The following SORBS2 variants were observed in gnomAD, a reference collection of about 807,000 sequenced individuals.
SORBS2 encodes the protein sorbin and SH3 domain-containing protein 2.
SORBS2 carries 46 observed loss-of-function variants against 97.7 expected under a neutral mutation model. That is an observed-to-expected ratio of 0.47 (90% CI 0.37 to 0.60). The LOEUF (loss-of-function observed/expected upper bound fraction) is 0.60. Among genes scored for constraint, SORBS2 ranks in the 20% least tolerant of loss-of-function variants. The pLI is 0.00. For missense variants in SORBS2, 1,316 were observed against 1,282.3 expected (o/e 1.03, Z -0.40); for synonymous variants, 476 against 473.4 (o/e 1.01, Z -0.07).
At chr4:185,924,112 G>A (rs1561305184) in intron 1 of SORBS2, among the ~76,000 whole-genome samples, 1 of 152,210 alleles carries the variant, frequency 6.6e-6, no homozygotes, top group Non-Finnish European at 1.5e-5. Context: ...AGTGAAATGA[G>A]TACATGAACA....
intron 1 of SORBS2, among the ~76,000 whole-genome samples, chr4:185,928,840 C>G (rs1416289227): frequency 6.6e-6 from 1 of 152,140 alleles, no homozygotes; most frequent in Non-Finnish European, 1.5e-5. Flanking sequence ...GCCACCGCGC[C>G]TGGCCAAGAA....
At chr4:185,622,848 G>A (rs1419684001) in intron 7 of SORBS2, 66 bp downstream of exon 19, 3 of 1,470,134 alleles carry the variant, frequency 2.0e-6, no homozygotes, top group Admixed American at 4.4e-5. Flanking sequence ...ATGTTGGAAT[G>A]GAAAATGAAA....
chr4:185,624,661 GAGA>G (rs377515142), intron 6 of SORBS2, among the ~76,000 whole-genome samples, 167 bp from the exon 19 acceptor site: 43 of 152,178 alleles, frequency 2.8e-4, no homozygotes, highest in African/African-American at 8.9e-4. Context: ...TTCAACTCTA[GAGA>G]AGAAGGTCTA....
chr4:185,650,189 C>G (rs1268726177), intron 2 of SORBS2, among the ~76,000 whole-genome samples: 1 of 152,004 alleles, frequency 6.6e-6, no homozygotes, highest in Non-Finnish European at 1.5e-5. Flanking sequence ...TAGAGTGCAC[C>G]TGGGAAAATC....
chr4:185,748,491 C>T (rs1456438531), intron 2 of SORBS2, among the ~76,000 whole-genome samples: 3 of 152,140 alleles, frequency 2.0e-5, no homozygotes, highest in Non-Finnish European at 2.9e-5. Flanking sequence ...TCTTGAAGGA[C>T]TGCCTAAGCC....
At chr4:185,729,516 A>T (rs2098596896) in intron 2 of SORBS2, among the ~76,000 whole-genome samples, 1 of 152,230 alleles carries the variant, frequency 6.6e-6, no homozygotes, top group African/African-American at 2.4e-5. Context: ...AGTGATGACC[A>T]CAGTTCTGTA....
At chr4:185,724,313 T>G (rs950201312) in intron 2 of SORBS2, among the ~76,000 whole-genome samples, 1 of 129,836 alleles carries the variant, frequency 7.7e-6, no homozygotes, top group Non-Finnish European at 1.6e-5. Flanking sequence ...ACTTGGGATA[T>G]TCCACTGCCC....
chr4:185,765,399 T>C (rs988355071), intron 2 of SORBS2, among the ~76,000 whole-genome samples: 2 of 152,172 alleles, frequency 1.3e-5, no homozygotes, highest in South Asian at 2.1e-4. Context: ...TTTTAGAATA[T>C]TGATTAGAAA....
Position 185,635,977 on chromosome 4 carries a change from GC to G in SORBS2, c.397-5380del, listed in dbSNP as rs529763216. Among the ~76,000 whole-genome samples the G allele has an allele frequency of 5.0e-3, 758 of 152,164 alleles. 4 individuals are homozygous for G. Among genetic ancestry groups the G allele is most frequent in the African/African-American group, 0.018 (733 of 41,508 alleles). On this transcript the variant is annotated intron_variant, in intron 4 of 14. Coordinates refer to ENST00000418609, the Ensembl canonical transcript of SORBS2. ...GGGTTCAAGTGATTCTCCCACCTCA[GC>G]CCCCTGAGTAGCTGGGATTACAGGC...
chr4:185,886,971 C>T (rs534436619), intron 1 of SORBS2, among the ~76,000 whole-genome samples: 25 of 152,188 alleles, frequency 1.6e-4, no homozygotes, highest in African/African-American at 5.8e-4. Flanking sequence ...CAGCGGGCAG[C>T]GATAGAATGG....
rs1314754713 is a variant in SORBS2, at chr4:185,611,771, T to C, written c.2796+9A>G. On this transcript the variant is annotated intron_variant, in intron 12 of 14. Coordinates refer to ENST00000418609, the Ensembl canonical transcript of SORBS2. ...AATATTACATTAACATGATAGAGTA[T>C]GTTCTTACCTTATTTGAGCTCAAGC... 1 of 1,609,128 alleles carries C rather than the reference T, an allele frequency of 6.2e-7. No homozygotes were observed. Among genetic ancestry groups the C allele is most frequent in the Non-Finnish European group, 8.5e-7 (1 of 1,175,720 alleles).
chr4:185,930,357 C>T (rs2099265825), intron 1 of SORBS2, among the ~76,000 whole-genome samples: 1 of 151,950 alleles, frequency 6.6e-6, no homozygotes, highest in Non-Finnish European at 1.5e-5. Context: ...TGCAGTGGTG[C>T]GATCTCGGCT....
chr4:185,932,394 G>C (rs2099266932), intron 1 of SORBS2, among the ~76,000 whole-genome samples: 1 of 151,492 alleles, frequency 6.6e-6, no homozygotes, highest in Admixed American at 6.6e-5. Flanking sequence ...AAGCAGAAGT[G>C]GCGTGATTCG....
chr4:185,848,284 A>C (rs544018745), intron 1 of SORBS2, among the ~76,000 whole-genome samples: 9 of 152,284 alleles, frequency 5.9e-5, no homozygotes, highest in African/African-American at 2.2e-4. Flanking sequence ...GGGATTCCTG[A>C]GTGCCTTTAA....
chr4:185,724,910 G>T (rs980800776), intron 2 of SORBS2, among the ~76,000 whole-genome samples: 1 of 152,012 alleles, frequency 6.6e-6, no homozygotes, highest in East Asian at 1.9e-4. Flanking sequence ...TTTCCTTCAC[G>T]TCTGTTTCTC....
At chr4:185,784,217 T>C (rs2099045202) in intron 1 of SORBS2, among the ~76,000 whole-genome samples, 2 of 152,154 alleles carry the variant, frequency 1.3e-5, no homozygotes, top group South Asian at 2.1e-4. Flanking sequence ...CTGCAAGCTC[T>C]GCCTCCCGGG....
At chr4:185,723,239 T>C (rs923373779) in intron 2 of SORBS2, among the ~76,000 whole-genome samples, 5 of 152,192 alleles carry the variant, frequency 3.3e-5, no homozygotes, top group Non-Finnish European at 5.9e-5. Context: ...ATAACACAGA[T>C]GGCTTCTTGC....
At chr4:185,756,922 ATT>A (rs2153605172) in intron 2 of SORBS2, 1 of 1,364,590 alleles carries the variant, frequency 7.3e-7, no homozygotes, top group East Asian at 2.4e-5. Context: ...CATATTGAGT[ATT>A]TTCATTTCTG....
intron 2 of SORBS2, among the ~76,000 whole-genome samples, chr4:185,750,868 C>T (rs2098794473): frequency 6.6e-6 from 1 of 151,992 alleles, no homozygotes; most frequent in East Asian, 1.9e-4. Flanking sequence ...TCCCCCTGCC[C>T]TTTTGATATC....
Sources: gnomAD v4.1 joint callset for allele counts (sites outside exome capture counted in the v4.1 genomes callset) on GRCh38, gnomAD v4.1.1 for gene constraint, MANE v1.5 for transcripts, NCBI Gene and HGNC (gene_info 2026-07-23, HGNC 2026-07-21) for gene names.